MAPK8IP3: variants seen among roughly 807,000 people sequenced by gnomAD.
MAPK8IP3 encodes mitogen-activated protein kinase 8 interacting protein 3, also known as C-Jun-amino-terminal kinase-interacting protein 3.
In MAPK8IP3, 49 loss-of-function variants were observed where a neutral mutation model predicts 157.8. That is an observed-to-expected ratio of 0.31 (90% CI 0.25 to 0.39). The LOEUF (loss-of-function observed/expected upper bound fraction) is 0.39. Among genes scored for constraint, MAPK8IP3 ranks in the 10% least tolerant of loss-of-function variants. The pLI is 1.00. For missense variants in MAPK8IP3, 1,478 were observed against 1,889.4 expected, an observed-to-expected ratio of 0.78 and a Z score of 4.04; for synonymous variants, 897 against 777.7, an observed-to-expected ratio of 1.15 and a Z score of -2.55.
chr16:1,740,424 G>T (rs1349988869), intron 4 of MAPK8IP3, among the ~76,000 whole-genome samples: 1 of 148,444 alleles, frequency 6.7e-6, no homozygotes, highest in Non-Finnish European at 1.5e-5. Flanking sequence ...ACACGCTGCT[G>T]CCCACACCCT....
chr16:1,718,898 C>T (rs907331466), intron 1 of MAPK8IP3, among the ~76,000 whole-genome samples: 1 of 152,130 alleles, frequency 6.6e-6, no homozygotes, highest in Non-Finnish European at 1.5e-5. Context: ...AGCATCTTCT[C>T]ACTGAAAACG....
intron 8 of MAPK8IP3, among the ~76,000 whole-genome samples, chr16:1,750,100 A>G (rs2041203967): frequency 6.6e-6 from 1 of 152,222 alleles, no homozygotes; most frequent in South Asian, 2.1e-4. Flanking sequence ...AAAAATATAT[A>G]TAAAAAATCC....
intron 30 of MAPK8IP3, 26 bp from the exon 31 acceptor site, chr16:1,768,451 G>T: frequency 1.3e-6 from 2 of 1,584,812 alleles, no homozygotes; most frequent in Non-Finnish European, 1.7e-6. Context: ...GGAGGCCGCT[G>T]TCCTGAATCG....
rs1047249680 is a variant in MAPK8IP3 at position 1,769,387 on chromosome 16, C to T, written c.*563C>T. On this transcript the variant is annotated 3_prime_UTR_variant, in exon 32 of 32. Coordinates refer to ENST00000610761, the MANE Select transcript of MAPK8IP3 (RefSeq NM_001318852.2). ...TCTCTGGGGCCTCCCCGTCGTCAAG[C>T]CTCTATCCTGTCTGTCCCCACCCCA... 6.3e-6 allele frequency: 1 copy of T among 158,414 alleles called. No individual in the cohort carries two copies. Among genetic ancestry groups the T allele is most frequent in the Non-Finnish European group, 1.4e-5 (1 of 71,834 alleles). 9.8% of individuals were successfully genotyped at this position (158,414 alleles called of 1,614,324 possible).
At position 1,766,194 on chromosome 16, in the gene MAPK8IP3, G is replaced by C. The variant is rs773921316; in HGVS notation, c.2630-26G>C. 4.4e-6 allele frequency: 7 copies of C among 1,603,664 alleles called. No homozygotes were observed. In the South Asian group the frequency reaches 6.6e-5, roughly 15 times the overall value. ...CCCCTCATTCCCACGTTTCTGCCCAGCCCAAGCTCACCTCTCCTAACACAG... is the reference window on the plus strand; with the variant it reads ...CCCCTCATTCCCACGTTTCTGCCCACCCCAAGCTCACCTCTCCTAACACAG... On this transcript the variant is annotated intron_variant, in intron 21 of 31. Coordinates refer to ENST00000610761, the MANE Select transcript of MAPK8IP3 (RefSeq NM_001318852.2).
intron 8 of MAPK8IP3, among the ~76,000 whole-genome samples, chr16:1,755,170 G>GC (rs1349180394): frequency 6.6e-6 from 1 of 152,234 alleles, no homozygotes; most frequent in Non-Finnish European, 1.5e-5. Flanking sequence ...AGGGCCAAGA[G>GC]CCAAGACAGA....
chr16:1,767,539 T>C (rs536709337), intron 26 of MAPK8IP3, 25 bp from the exon 27 acceptor site: 9 of 1,605,560 alleles, frequency 5.6e-6, no homozygotes, highest in Middle Eastern at 3.7e-4. Flanking sequence ...CCCAGCCCTG[T>C]TGATGGGCAG....
At chr16:1,726,540 T>C (rs1234517121) in intron 2 of MAPK8IP3, among the ~76,000 whole-genome samples, 1 of 152,076 alleles carries the variant, frequency 6.6e-6, no homozygotes, top group Non-Finnish European at 1.5e-5. Context: ...CCAGGCACGG[T>C]GGCTCACAGA....
intron 4 of MAPK8IP3, among the ~76,000 whole-genome samples, chr16:1,732,519 TGCC>T (rs2039381105): frequency 6.6e-6 from 1 of 152,216 alleles, no homozygotes; most frequent in Non-Finnish European, 1.5e-5. Context: ...GCCAGGGGCG[TGCC>T]GTGGAGCCTG....
chr16:1,710,075 C>T lies in MAPK8IP3; in HGVS notation c.318+3418C>T, dbSNP rs984474842. ...TTTTTCCGAGTTAAATAAAAGTTAC[C>T]GGCCAGGCGCAGCGACTCTCACATG... On this transcript the variant is annotated intron_variant, in intron 1 of 31. Coordinates refer to ENST00000610761, the MANE Select transcript of MAPK8IP3 (RefSeq NM_001318852.2). The surrounding 1 kb of genome is among the most constrained non-coding windows in gnomAD (Gnocchi z 4.1). Among the ~76,000 whole-genome samples the T allele has an allele frequency of 2.6e-5, 4 of 152,056 alleles. No homozygotes were observed. Among genetic ancestry groups the T allele is most frequent in the East Asian group, 1.9e-4 (1 of 5,186 alleles).
At chr16:1,749,309 C>T (rs748988486) in intron 8 of MAPK8IP3, among the ~76,000 whole-genome samples, 5 of 152,226 alleles carry the variant, frequency 3.3e-5, no homozygotes, top group Admixed American at 6.5e-5. Context: ...CTGTTAGCCT[C>T]GCCCCATCTT....
At chr16:1,767,125 G>C (rs1162021169) in intron 25 of MAPK8IP3, 24 bp from the exon 26 acceptor site, 4 of 1,612,004 alleles carry the variant, frequency 2.5e-6, no homozygotes, top group Admixed American at 1.7e-5. Flanking sequence ...CCAGGCCTGA[G>C]CAGGTGTCCG....
chr16:1,737,984 G>A (rs201312915), intron 4 of MAPK8IP3, among the ~76,000 whole-genome samples: 1 of 80,554 alleles, frequency 1.2e-5, no homozygotes, highest in African/African-American at 5.7e-5. Flanking sequence ...GTGACCGTCC[G>A]TGTGACCATC....
At chr16:1,720,706 T>A (rs2038457888) in intron 1 of MAPK8IP3, among the ~76,000 whole-genome samples, 1 of 152,236 alleles carries the variant, frequency 6.6e-6, no homozygotes. Flanking sequence ...TTTCATTTTT[T>A]ATATAACAGG....
At chr16:1,730,167 A>T (rs1475506423) in intron 4 of MAPK8IP3, among the ~76,000 whole-genome samples, 2 of 151,660 alleles carry the variant, frequency 1.3e-5, no homozygotes, top group Non-Finnish European at 2.9e-5. Flanking sequence ...AGGCTGAGAG[A>T]GGAGGATAGC....
chr16:1,723,546 G>C (rs2142329423), intron 1 of MAPK8IP3, among the ~76,000 whole-genome samples: 1 of 152,254 alleles, frequency 6.6e-6, no homozygotes, highest in South Asian at 2.1e-4. Flanking sequence ...TTTGAGCCCA[G>C]GTGCTCAAGG....
intron 8 of MAPK8IP3, among the ~76,000 whole-genome samples, chr16:1,757,093 AT>A (rs2041646743): frequency 6.6e-6 from 1 of 152,092 alleles, no homozygotes; most frequent in Non-Finnish European, 1.5e-5. Flanking sequence ...CCGTTTTGTC[AT>A]CTAAATCAAG....
Position 1,768,917 on chromosome 16 carries a change from C to G in MAPK8IP3, c.*93C>G. ...GGGGTAGCCAGCCAGGCGCCGCCGC[C>G]CCTCTTCTAACCTCTCAACCTGCAG... is the stretch of plus-strand genomic sequence containing the variant. On this transcript the variant is annotated 3_prime_UTR_variant, in exon 32 of 32. Transcript: ENST00000610761. 6.9e-7 allele frequency: 1 copy of G among 1,457,414 alleles called. No homozygotes were observed. Among genetic ancestry groups the G allele is most frequent in the Non-Finnish European group, 9.3e-7 (1 of 1,072,344 alleles). The allele number at this position is 1,457,414 out of a possible 1,614,324, so 90.3% of individuals were successfully genotyped here.
At chr16:1,709,003 C>T (rs1024505938) in intron 1 of MAPK8IP3, among the ~76,000 whole-genome samples, 10 of 152,182 alleles carry the variant, frequency 6.6e-5, no homozygotes, top group African/African-American at 1.4e-4. Flanking sequence ...GGACGTCACA[C>T]GCTGCAGGCG....
Sources: gnomAD v4.1 joint callset for allele counts (sites outside exome capture counted in the v4.1 genomes callset) on GRCh38, gnomAD v4.1.1 for gene constraint, Gnocchi (gnomAD v3.1) non-coding constraint, MANE v1.5 for transcripts, NCBI Gene and HGNC (gene_info 2026-07-23, HGNC 2026-07-21) for gene names.